DCP2: variants seen among roughly 807,000 people sequenced by gnomAD.
DCP2 encodes m7GpppN-mRNA hydrolase.
Under a neutral mutation model 56.1 loss-of-function variants are expected in DCP2, and 30 were observed. The observed-to-expected ratio is 0.53, with a 90% CI of 0.40 to 0.73. The LOEUF (loss-of-function observed/expected upper bound fraction) is 0.73, where lower values mean the gene tolerates loss of function less well. Among genes scored for constraint, DCP2 ranks in the 30% least tolerant of loss-of-function variants. The pLI, the probability that DCP2 is intolerant of heterozygous loss-of-function variation, is 0.00. For missense variants in DCP2, 533 were observed against 502.7 expected (o/e 1.06, Z -0.58); for synonymous variants, 197 against 163.3 (o/e 1.21, Z -1.57).
chr5:112,978,166 G>T (rs548993251), intron 1 of DCP2, among the ~76,000 whole-genome samples: 54 of 151,938 alleles, frequency 3.6e-4, no homozygotes, highest in Non-Finnish European at 7.4e-4. Context: ...TAGTAGAGAC[G>T]GGATTTCACC....
At chr5:113,012,546 C>T (rs1239267662) in intron 10 of DCP2, among the ~76,000 whole-genome samples, 1 of 152,108 alleles carries the variant, frequency 6.6e-6, no homozygotes, top group Non-Finnish European at 1.5e-5. Context: ...GGTCAAGTCC[C>T]TGATCTGTTT....
rs377520502 is a variant in DCP2 at position 112,984,699 on chromosome 5, A to ATATATATATAT, written c.54-1136_54-1135insTATATATATAT. 2.6e-3 allele frequency: 205 copies of ATATATATATAT among 78,442 alleles called. 3 individuals are homozygous for ATATATATATAT. Among genetic ancestry groups the ATATATATATAT allele is most frequent in the African/African-American group, 0.012 (192 of 15,374 alleles). 4.9% of individuals were successfully genotyped at this position (78,442 alleles called of 1,614,324 possible). A position where few individuals can be genotyped will look rare whatever the true frequency, so the allele number is the denominator to read the frequency against. On this transcript the variant is annotated intron_variant, in intron 1 of 10. Transcript: ENST00000389063. ...TTATTTCTTAATTAAAAAAAAAAAAAAAAAATATATATATATATATATATA... is the reference window on the plus strand; with the variant it reads ...TTATTTCTTAATTAAAAAAAAAAAAATATATATATATAAAAATATATATATATATATATATA...
At chr5:112,992,824 A>T (rs2150176714) in intron 4 of DCP2, 54 bp downstream of exon 4, 1 of 1,397,772 alleles carries the variant, frequency 7.2e-7, no homozygotes, top group South Asian at 1.4e-5. Context: ...GTCTGAATGT[A>T]TTTTTTTTAG....
rs1014973048 is a variant in DCP2 at position 113,020,145 on chromosome 5, C to T, written c.*6661C>T. On this transcript the variant is annotated 3_prime_UTR_variant, in exon 11 of 11. Coordinates refer to ENST00000389063, the MANE Select transcript of DCP2 (RefSeq NM_152624.6). ...TTATGTTAAGCAAATTATTTTGAGA[C>T]CTTTTGCTGGTAGACAAAAACTGAG... The T allele has an allele frequency of 2.6e-5, 4 of 152,136 alleles. No homozygotes were observed. Among genetic ancestry groups the T allele is most frequent in the Non-Finnish European group, 5.9e-5 (4 of 68,020 alleles). The allele number at this position is 152,136 out of a possible 1,614,324, so 9.4% of individuals were successfully genotyped here.
intron 1 of DCP2, among the ~76,000 whole-genome samples, chr5:112,977,955 G>T (rs1017735500): frequency 1.0e-3 from 145 of 142,888 alleles, no homozygotes; most frequent in African/African-American, 4.0e-3. Context: ...GGAGTTTTTT[G>T]GGGTTTTTTT....
At chr5:113,010,044 T>C (rs1749613000) in intron 9 of DCP2, among the ~76,000 whole-genome samples, 2 of 151,108 alleles carry the variant, frequency 1.3e-5, no homozygotes, top group Admixed American at 6.6e-5. Flanking sequence ...CTTTTTTTTT[T>C]TTTTTTGAGA....
At chr5:112,995,715 A>T (rs1013260754) in intron 4 of DCP2, among the ~76,000 whole-genome samples, 5 of 152,178 alleles carry the variant, frequency 3.3e-5, no homozygotes, top group Admixed American at 1.3e-4. Context: ...AAATTTTTGG[A>T]TTAGGATTTT....
In DCP2 at chr5:113,018,142, T is replaced by C. The variant is rs1749965824; in HGVS notation, c.*4658T>C. ...GGTGATTCATTCCTTTCCATCTAAC[T>C]TCCTTGTGACAAATAGCATTTACTA... is the stretch of plus-strand genomic sequence containing the variant. On this transcript the variant is annotated 3_prime_UTR_variant, in exon 11 of 11. Coordinates refer to ENST00000389063, the MANE Select transcript of DCP2 (RefSeq NM_152624.6). The C allele has an allele frequency of 6.6e-6, 1 of 152,186 alleles. No homozygotes were observed. The highest frequency in any genetic ancestry group is 6.5e-5 in the Admixed American group (1 of 15,272). The allele number at this position is 152,186 out of a possible 1,614,324, so 9.4% of individuals were successfully genotyped here. A position where few individuals can be genotyped will look rare whatever the true frequency, so the allele number is the denominator to read the frequency against.
chr5:112,993,958 AT>A (rs1315551534), intron 4 of DCP2, among the ~76,000 whole-genome samples: 2 of 151,052 alleles, frequency 1.3e-5, no homozygotes, highest in Admixed American at 1.3e-4. Flanking sequence ...TTTAATTTTT[AT>A]TTATTTATTT....
At chr5:113,001,985 G>A (rs913471653) in intron 7 of DCP2, among the ~76,000 whole-genome samples, 1 of 152,172 alleles carries the variant, frequency 6.6e-6, no homozygotes, top group African/African-American at 2.4e-5. Flanking sequence ...CTTCTCTGTT[G>A]TCATATCCTA....
chr5:112,995,692 C>G (rs1371081772), intron 4 of DCP2, among the ~76,000 whole-genome samples: 1 of 152,124 alleles, frequency 6.6e-6, no homozygotes, highest in East Asian at 1.9e-4. Context: ...GACTAAGGAA[C>G]TTTAATTTCA....
intron 1 of DCP2, among the ~76,000 whole-genome samples, chr5:112,982,651 GT>G (rs199548423): frequency 0.017 from 2,586 of 152,040 alleles, 75 homozygotes; most frequent in African/African-American, 0.059. Flanking sequence ...AGTAATAATA[GT>G]TTTTTTTCCC....
intron 10 of DCP2, among the ~76,000 whole-genome samples, chr5:113,011,384 G>C (rs768562124): frequency 2.0e-5 from 3 of 152,162 alleles, no homozygotes; most frequent in African/African-American, 7.2e-5. Flanking sequence ...TGTCTGATTC[G>C]GAAAGTAATC....
intron 4 of DCP2, among the ~76,000 whole-genome samples, chr5:112,994,036 A>G (rs1033797416): frequency 2.0e-5 from 3 of 151,582 alleles, no homozygotes; most frequent in African/African-American, 7.3e-5. Flanking sequence ...AGGTCAAGTG[A>G]TCTCTCCTCC....
At chr5:113,013,209 G>C (rs1749750349) in intron 10 of DCP2, 112 bp from the exon 11 acceptor site, 1 of 1,154,864 alleles carries the variant, frequency 8.7e-7, no homozygotes, top group Admixed American at 2.8e-5. Flanking sequence ...TTAGAGTCTG[G>C]GAAGATAAAT....
Position 113,001,375 on chromosome 5 carries a change from A to T in DCP2, c.604A>T (p.Ile202Phe). The T allele has an allele frequency of 6.2e-7, 1 of 1,613,260 alleles. No individual in the cohort carries two copies. Among genetic ancestry groups the T allele is most frequent in the Non-Finnish European group, 8.5e-7 (1 of 1,179,856 alleles). The change falls in exon 6 of 11, where the codon ATT becomes TTT. Residue 202 changes from isoleucine (I) to phenylalanine (F), a missense_variant. Around this residue, in one of 3 missense-constraint regions of DCP2, gnomAD observed 392 missense variants for 346.6 expected, o/e 1.13. Coordinates refer to ENST00000389063, the MANE Select transcript of DCP2 (RefSeq NM_152624.6). ...GTTTCAGAACATTGAGTGGTTCTCT[A>T]TTGAGAAATTGCCTTGTCATAGAAA... Reference protein sequence around the residue: ...REIRNIEWFSIEKLPCHRNDM... With the variant: ...REIRNIEWFSFEKLPCHRNDM...
intron 4 of DCP2, among the ~76,000 whole-genome samples, chr5:112,995,121 T>C (rs1580811693): frequency 6.6e-6 from 1 of 152,220 alleles, no homozygotes; most frequent in South Asian, 2.1e-4. Context: ...CAAAAAATGA[T>C]TGAAAATGCT....
At chr5:113,004,726 A>C (rs1029419839) in intron 8 of DCP2, among the ~76,000 whole-genome samples, 3 of 152,172 alleles carry the variant, frequency 2.0e-5, no homozygotes, top group Non-Finnish European at 2.9e-5. Flanking sequence ...TTATATCCTC[A>C]GCAAAATACA....
At chr5:113,000,937 T>C (rs17312754) in intron 4 of DCP2, 147 bp from the exon 5 acceptor site, 394,824 of 797,136 alleles carry the variant, frequency 0.5, 100,779 homozygotes, top group East Asian at 0.67. Context: ...ACATCTCATA[T>C]GCATTTCTGT....
Sources: allele counts gnomAD v4.1 joint callset (sites outside exome capture counted in the v4.1 genomes callset), GRCh38; gene constraint gnomAD v4.1.1; regional missense constraint gnomAD v4.1.1; transcripts MANE v1.5; gene names NCBI Gene and HGNC (gene_info 2026-07-23, HGNC 2026-07-21).